C1orf21: variants seen among roughly 807,000 people sequenced by gnomAD.
The protein encoded by C1orf21 is chromosome 1 open reading frame 21.
In C1orf21, 3 loss-of-function variants were observed where a neutral mutation model predicts 18.7. The observed-to-expected ratio is 0.16, with a 90% CI of 0.07 to 0.42. The LOEUF is 0.42. Ranked by LOEUF, C1orf21 falls within the 10% of genes least tolerant of loss-of-function variation. The probability of loss-of-function intolerance (pLI) is 0.99; values close to 1 mark genes in which losing one functional copy is unlikely to be tolerated. For missense variants in C1orf21, 104 were observed against 143.6 expected (o/e 0.72, Z 1.41); for synonymous variants, 41 against 46.4 (o/e 0.88, Z 0.47).
At position 184,623,170 on chromosome 1, in the gene C1orf21, G is replaced by A. The variant is rs1052304048; in HGVS notation, c.*3614G>A. On this transcript the variant is annotated 3_prime_UTR_variant, in exon 6 of 6. Transcript: ENST00000235307. Reference sequence around the variant, plus strand: ...TGACACTGGGCAAGAATTTAAGATTGTTCTATCTCTACTAGTCATAGAAAA... The same window carrying A: ...TGACACTGGGCAAGAATTTAAGATTATTCTATCTCTACTAGTCATAGAAAA... 3 of 152,150 alleles carry A rather than the reference G, an allele frequency of 2.0e-5. No individual in the cohort carries two copies. Among genetic ancestry groups the A allele is most frequent in the Non-Finnish European group, 4.4e-5 (3 of 68,034 alleles). The allele number at this position is 152,150 out of a possible 1,614,324, so 9.4% of individuals were successfully genotyped here.
intron 3 of C1orf21, chr1:184,567,621 G>GGATGCTAGGAGTAAAAT: frequency 2.3e-6 from 1 of 443,670 alleles, no homozygotes; most frequent in Non-Finnish European, 4.5e-6. Context: ...AGGCAGTGGA[G>GGATGCTAGGAGTAAAAT]GATGCTAGGC....
intron 1 of C1orf21, among the ~76,000 whole-genome samples, chr1:184,393,741 T>C (rs1656007752): frequency 1.3e-5 from 2 of 152,244 alleles, no homozygotes; most frequent in South Asian, 4.1e-4. Flanking sequence ...GAGATTTTCA[T>C]AATAGCACCA....
intron 3 of C1orf21, among the ~76,000 whole-genome samples, chr1:184,578,205 C>G (rs1659223166): frequency 6.6e-6 from 1 of 152,102 alleles, no homozygotes; most frequent in Admixed American, 6.5e-5. Flanking sequence ...ATCCACCCAC[C>G]TCAGCCTCCC....
intron 1 of C1orf21, among the ~76,000 whole-genome samples, chr1:184,407,674 C>A (rs1053383554): frequency 6.6e-6 from 1 of 152,150 alleles, no homozygotes; most frequent in Non-Finnish European, 1.5e-5. Context: ...ACCTGCTTGC[C>A]TTTGAAGCAT....
At chr1:184,482,913 T>C (rs1447179866) in intron 2 of C1orf21, among the ~76,000 whole-genome samples, 7 of 152,222 alleles carry the variant, frequency 4.6e-5, no homozygotes, top group Non-Finnish European at 8.8e-5. Context: ...CAAATGTGTG[T>C]GACAGAATTT....
chr1:184,567,944 A>C (rs1017157406), intron 3 of C1orf21: 1 of 196,972 alleles, frequency 5.1e-6, no homozygotes, highest in African/African-American at 2.4e-5. Flanking sequence ...ACCTCAAGGC[A>C]GATAATCCAC....
At chr1:184,407,375 G>C (rs1057160214) in intron 1 of C1orf21, among the ~76,000 whole-genome samples, 3 of 152,078 alleles carry the variant, frequency 2.0e-5, no homozygotes, top group Admixed American at 6.6e-5. Context: ...AAATGAAATA[G>C]GTACCTAAAT....
chr1:184,519,741 A>T (rs919079430), intron 3 of C1orf21, among the ~76,000 whole-genome samples: 2 of 152,224 alleles, frequency 1.3e-5, no homozygotes, highest in African/African-American at 4.8e-5. Context: ...TTCACCCAAC[A>T]TTAATAATTT....
intron 1 of C1orf21, among the ~76,000 whole-genome samples, chr1:184,433,495 A>C (rs370126176): frequency 6.6e-6 from 1 of 151,990 alleles, no homozygotes; most frequent in African/African-American, 2.4e-5. Context: ...TATGGAATAA[A>C]CTCCAATTTC....
intron 1 of C1orf21, among the ~76,000 whole-genome samples, chr1:184,397,545 T>C (rs941849352): frequency 4.0e-5 from 6 of 151,584 alleles, no homozygotes; most frequent in South Asian, 2.1e-4. Context: ...AAGATCGCGC[T>C]ACTGCACTCC....
At chr1:184,524,757 AC>A (rs1460732188) in intron 3 of C1orf21, among the ~76,000 whole-genome samples, 1 of 152,012 alleles carries the variant, frequency 6.6e-6, no homozygotes, top group African/African-American at 2.4e-5. Context: ...CAAATTTCAA[AC>A]CCCTAAAGAG....
At chr1:184,494,854 T>C (rs1657866706) in intron 2 of C1orf21, among the ~76,000 whole-genome samples, 2 of 151,976 alleles carry the variant, frequency 1.3e-5, no homozygotes, top group South Asian at 4.1e-4. Context: ...GCTTTTTTTT[T>C]TTTTTTACCT....
chr1:184,399,995 G>C (rs1268047489), intron 1 of C1orf21, among the ~76,000 whole-genome samples: 1 of 145,298 alleles, frequency 6.9e-6, no homozygotes, highest in South Asian at 2.1e-4. Context: ...TTTTCTAGTA[G>C]CCTCTAGAGG....
intron 2 of C1orf21, among the ~76,000 whole-genome samples, chr1:184,485,824 A>G (rs1290718692): frequency 1.3e-5 from 2 of 152,186 alleles, no homozygotes; most frequent in Non-Finnish European, 2.9e-5. Flanking sequence ...TTGGCTTCTG[A>G]AGCTGTTATT....
intron 1 of C1orf21, among the ~76,000 whole-genome samples, chr1:184,449,646 T>C (rs1274036159): frequency 1.3e-5 from 2 of 152,222 alleles, no homozygotes; most frequent in Non-Finnish European, 2.9e-5. Flanking sequence ...AGCTAAATTA[T>C]TGATAGTGGA....
chr1:184,579,802 C>G (rs1393951276), intron 3 of C1orf21, among the ~76,000 whole-genome samples: 1 of 152,156 alleles, frequency 6.6e-6, no homozygotes, highest in Non-Finnish European at 1.5e-5. Flanking sequence ...AGCCACTGCG[C>G]CCAGCCCAAG....
intron 5 of C1orf21, among the ~76,000 whole-genome samples, chr1:184,611,917 T>C (rs1251030393): frequency 6.6e-6 from 1 of 152,176 alleles, no homozygotes; most frequent in East Asian, 1.9e-4. Flanking sequence ...TATACACTGC[T>C]TGGGTGATGG....
intron 5 of C1orf21, among the ~76,000 whole-genome samples, chr1:184,615,809 A>G (rs1659812020): frequency 6.6e-6 from 1 of 152,172 alleles, no homozygotes; most frequent in Admixed American, 6.5e-5. Context: ...TATTTTTAAA[A>G]TGGCATATAG....
At chr1:184,418,453 A>G (rs529183022) in intron 1 of C1orf21, among the ~76,000 whole-genome samples, 5 of 152,242 alleles carry the variant, frequency 3.3e-5, no homozygotes, top group East Asian at 3.9e-4. Context: ...GGCTGAAGCA[A>G]TCTACCTGCC....
Sources: allele counts gnomAD v4.1 joint callset (sites outside exome capture counted in the v4.1 genomes callset), GRCh38; gene constraint gnomAD v4.1.1; transcripts MANE v1.5; gene names NCBI Gene and HGNC (gene_info 2026-07-23, HGNC 2026-07-21).